Variants in ACSF2 observed in about 807,000 individuals in gnomAD.
ACSF2 encodes acyl-CoA synthetase family member 2, also known as medium-chain acyl-CoA ligase ACSF2, mitochondrial.
ACSF2 carries 52 observed loss-of-function variants against 79.3 expected under a neutral mutation model. The ratio of observed to expected loss-of-function variants is 0.66; its 90% CI spans 0.53 to 0.83. The LOEUF (loss-of-function observed/expected upper bound fraction) is 0.83, where lower values mean the gene tolerates loss of function less well. Among genes scored for constraint, ACSF2 ranks in the 40% least tolerant of loss-of-function variants. The pLI, the probability that ACSF2 is intolerant of heterozygous loss-of-function variation, is 0.00. For missense variants in ACSF2, 661 were observed against 803.3 expected (o/e 0.82, Z 2.14); for synonymous variants, 283 against 312.6 (o/e 0.91, Z 1.00).
intron 5 of ACSF2, 31 bp downstream of exon 5, chr17:50,462,333 A>G (rs1179218522): frequency 2.5e-6 from 4 of 1,612,662 alleles, no homozygotes; most frequent in Non-Finnish European, 3.4e-6. Context: ...TGGGTGGTGC[A>G]TCATTCAGCA....
At chr17:50,431,984 C>T (rs2029969145) in intron 1 of ACSF2, among the ~76,000 whole-genome samples, 1 of 152,154 alleles carries the variant, frequency 6.6e-6, no homozygotes, top group Non-Finnish European at 1.5e-5. Flanking sequence ...CAGCTCACTA[C>T]AGCCTCGAAC....
chr17:50,432,084 A>G (rs2029978339), intron 1 of ACSF2, among the ~76,000 whole-genome samples: 1 of 151,966 alleles, frequency 6.6e-6, no homozygotes, highest in East Asian at 1.9e-4. Flanking sequence ...ATTTTTTTGT[A>G]GAGATGGTGT....
intron 1 of ACSF2, among the ~76,000 whole-genome samples, chr17:50,451,509 G>C (rs2031673562): frequency 6.6e-6 from 1 of 152,130 alleles, no homozygotes; most frequent in Non-Finnish European, 1.5e-5. Context: ...GAGTGCAATG[G>C]CACAATGTTG....
At position 50,471,446 on chromosome 17, in the gene ACSF2, G is replaced by T; in HGVS notation, c.1323+311G>T. On this transcript the variant is annotated intron_variant, in intron 11 of 15. Coordinates refer to ENST00000300441, the MANE Select transcript of ACSF2 (RefSeq NM_025149.6). This position sits in a 1 kb window ranked among gnomAD's most constrained non-coding sequence, Gnocchi z 4.1. ...AGGGCAGCCAGGGTAGCCTCAAAGA[G>T]GAGCCAGAGCACAGAGAGTTTTCCT... The T allele has an allele frequency of 2.5e-6, 1 of 393,936 alleles. No homozygotes were observed. Among genetic ancestry groups the T allele is most frequent in the Non-Finnish European group, 4.8e-6 (1 of 208,490 alleles). The allele number at this position is 393,936 out of a possible 1,614,324, so 24.4% of individuals were successfully genotyped here.
At chr17:50,465,649 C>G in intron 10 of ACSF2, 1 of 1,594,406 alleles carries the variant, frequency 6.3e-7, no homozygotes, top group Non-Finnish European at 8.6e-7. Flanking sequence ...TAGTGCAGGG[C>G]TAATGTGCCT....
intron 1 of ACSF2, among the ~76,000 whole-genome samples, chr17:50,428,297 T>A (rs1915195180): frequency 1.3e-5 from 2 of 151,356 alleles, no homozygotes; most frequent in Admixed American, 6.6e-5. Context: ...TTGGCCAACA[T>A]GGTGAAACCC....
chr17:50,468,829 G>A lies in ACSF2; in HGVS notation c.1216-2199G>A, dbSNP rs780778720. On this transcript the variant is annotated intron_variant, in intron 10 of 15. Transcript: ENST00000300441. The stretch of plus-strand genomic sequence containing the variant: ...GGCGGACCATGGCTGGGACGCCTGG[G>A]GCCGGGGCTGGGGGCAGCAGCGGCG... The A allele has an allele frequency of 5.6e-4, 845 of 1,499,756 alleles. 1 individual carries two copies. Among genetic ancestry groups the A allele is most frequent in the Non-Finnish European group, 7.0e-4 (791 of 1,130,018 alleles). The allele number at this position is 1,499,756 out of a possible 1,614,324, so 92.9% of individuals were successfully genotyped here.
chr17:50,429,669 G>A (rs892616386), intron 1 of ACSF2, among the ~76,000 whole-genome samples: 10 of 151,982 alleles, frequency 6.6e-5, no homozygotes, highest in South Asian at 4.2e-4. Flanking sequence ...ACCGGTGTGC[G>A]CCACCCGCCC....
intron 10 of ACSF2, chr17:50,465,551 C>T: frequency 2.0e-6 from 3 of 1,482,704 alleles, no homozygotes; most frequent in East Asian, 2.3e-5. Flanking sequence ...CTGAAGCTGT[C>T]ATCTTCATTT....
chr17:50,434,814 A>T (rs2030253886), intron 1 of ACSF2, among the ~76,000 whole-genome samples: 1 of 152,062 alleles, frequency 6.6e-6, no homozygotes, highest in South Asian at 2.1e-4. Context: ...GAGTGGTAGA[A>T]AGATCATGGG....
chr17:50,463,155 G>A lies in ACSF2; in HGVS notation c.793-1G>A. 1.2e-6 allele frequency: 2 copies of A among 1,613,646 alleles called. No homozygotes were observed. Among genetic ancestry groups the A allele is most frequent in the Non-Finnish European group, 1.7e-6 (2 of 1,179,718 alleles). ...AAGCCATGCCCTGTTTGCCTTGTCA[G>A]GGGACAACAGGCAGCCCCAAGGGGG... is the stretch of plus-strand genomic sequence containing the variant. On this transcript the variant is annotated splice_acceptor_variant, in intron 6 of 15. Transcript: ENST00000300441. LOFTEE classifies it high-confidence loss of function. This position sits in a 1 kb window ranked among gnomAD's most constrained non-coding sequence, Gnocchi z 4.6.
rs931707433 is a variant in ACSF2 at position 50,463,396 on chromosome 17, C to T, written c.890C>T (p.Thr297Ile). The change falls in exon 8 of 16, where the codon ACA (threonine) becomes ATA (isoleucine). Residue 297 changes from threonine to isoleucine, a missense_variant and splice_region_variant. By Grantham distance (89) the Thr-to-Ile change is moderately conservative. Coordinates refer to ENST00000300441, the MANE Select transcript of ACSF2 (RefSeq NM_025149.6). The surrounding 1 kb of genome is among the most constrained non-coding windows in gnomAD (Gnocchi z 4.6). The stretch of plus-strand genomic sequence containing the variant: ...CCAGCCTCCTGTCTCCATCACCAGA[C>T]ACCAGAGCAGTTGCGGATGATCCTG... ...LGERLKLHEK[T>I]PEQLRMILPN... is the part of the protein sequence containing the mutation. 1.2e-6 allele frequency: 2 copies of T among 1,613,794 alleles called. No homozygotes were observed. The highest frequency in any genetic ancestry group is 1.3e-5 in the African/African-American group (1 of 75,056).
At chr17:50,428,753 G>A (rs1915254648) in intron 1 of ACSF2, among the ~76,000 whole-genome samples, 2 of 152,228 alleles carry the variant, frequency 1.3e-5, no homozygotes, top group African/African-American at 4.8e-5. Context: ...CTGCACTCCA[G>A]TCTGGGTGAC....
In ACSF2 at chr17:50,461,892, G is replaced by T. The variant is rs190075020; in HGVS notation, c.507+206G>T. On this transcript the variant is annotated intron_variant, in intron 4 of 15. Coordinates refer to ENST00000300441, the MANE Select transcript of ACSF2 (RefSeq NM_025149.6). ...GGTCAGACACAAACCTGGCGTGAGT[G>T]TGCAGGGACGGGGGCATGTGTGTGT... 5.1e-3 allele frequency among the ~76,000 whole-genome samples: 768 copies of T among 152,026 alleles called. 8 individuals are homozygous for T. Among genetic ancestry groups the T allele is most frequent in the South Asian group, 0.034 (162 of 4,814 alleles).
At chr17:50,429,883 A>G (rs1018934269) in intron 1 of ACSF2, among the ~76,000 whole-genome samples, 2 of 151,800 alleles carry the variant, frequency 1.3e-5, no homozygotes, top group East Asian at 1.9e-4. Context: ...CTCACGACCA[A>G]CTCCTTCCCC....
rs556513993 is a variant in ACSF2 at position 50,474,079 on chromosome 17, G to A, written c.1728+75G>A. 2.7e-4 allele frequency: 425 copies of A among 1,571,968 alleles called. 7 individuals are homozygous for A. The South Asian group carries it at 4.8e-3, about 18-fold the overall frequency. On this transcript the variant is annotated intron_variant, in intron 14 of 15. Transcript: ENST00000300441. The surrounding 1 kb of genome is among the most constrained non-coding windows in gnomAD (Gnocchi z 4.2). ...CCACTCCTCTGCCAACCAGCCCAGGGTGGGGATTGCTCTGCCCTTGACGAA... is the reference window on the plus strand; with the variant it reads ...CCACTCCTCTGCCAACCAGCCCAGGATGGGGATTGCTCTGCCCTTGACGAA...
At chr17:50,436,164 C>G (rs1210598999) in intron 1 of ACSF2, among the ~76,000 whole-genome samples, 3 of 151,872 alleles carry the variant, frequency 2.0e-5, no homozygotes, top group Non-Finnish European at 4.4e-5. Flanking sequence ...GAGTCTCGCT[C>G]TGTTGCCCAG....
rs371395948 is a variant in ACSF2 at position 50,463,799 on chromosome 17, G to A, written c.1047-19G>A. On this transcript the variant is annotated intron_variant, in intron 8 of 15. Transcript: ENST00000300441. This position sits in a 1 kb window ranked among gnomAD's most constrained non-coding sequence, Gnocchi z 4.6. ...CCCTTCCACTTCCAAGCCTAATTTC[G>A]AGACCTCCTCCTATACAGAGGCACC... is the stretch of plus-strand genomic sequence containing the variant. The A allele has an allele frequency of 1.1e-4, 171 of 1,611,310 alleles. 3 individuals are homozygous for A. The highest frequency in any genetic ancestry group is 8.8e-4 in the South Asian group (80 of 90,980).
intron 3 of ACSF2, 24 bp from the exon 4 acceptor site, chr17:50,461,609 A>G: frequency 6.2e-7 from 1 of 1,614,022 alleles, no homozygotes; most frequent in Non-Finnish European, 8.5e-7. Context: ...CAGAATACTG[A>G]TATGCCCTCG....
Sources: allele counts gnomAD v4.1 joint callset (sites outside exome capture counted in the v4.1 genomes callset), GRCh38; gene constraint gnomAD v4.1.1; non-coding constraint Gnocchi (gnomAD v3.1); transcripts MANE v1.5; gene names NCBI Gene and HGNC (gene_info 2026-07-23, HGNC 2026-07-21).